The following SERINC3 variants were observed in gnomAD, a reference collection of about 807,000 sequenced individuals.
SERINC3 encodes the protein serine incorporator 3, also known as tumor differentially expressed protein 1.
SERINC3 carries 22 observed loss-of-function variants against 52.1 expected under a neutral mutation model. That is an observed-to-expected ratio of 0.42 (90% confidence interval 0.30 to 0.60). The LOEUF is 0.60. Ranked by LOEUF, SERINC3 falls within the 20% of genes least tolerant of loss-of-function variation. SERINC3 has a pLI of 0.16. For missense variants in SERINC3, 564 were observed against 584.6 expected, an observed-to-expected ratio of 0.96 and a Z score of 0.36; for synonymous variants, 226 against 212.7, an observed-to-expected ratio of 1.06 and a Z score of -0.54.
intron 1 of SERINC3, among the ~76,000 whole-genome samples, chr20:44,517,588 A>C (rs1721302096): frequency 6.6e-6 from 1 of 152,006 alleles, no homozygotes; most frequent in African/African-American, 2.4e-5. Flanking sequence ...GCAAACCAAA[A>C]AAAAAAAAAG....
At chr20:44,519,154 C>T (rs557794478) in intron 1 of SERINC3, among the ~76,000 whole-genome samples, 1 of 152,290 alleles carries the variant, frequency 6.6e-6, no homozygotes, top group Admixed American at 6.5e-5. Flanking sequence ...GCCTACACTG[C>T]TTTACCTTTA....
At position 44,500,246 on chromosome 20, in the gene SERINC3, G is replaced by A. The variant is rs374707242; in HGVS notation, c.*50C>T. On this transcript the variant is annotated 3_prime_UTR_variant, in exon 10 of 10. Coordinates refer to ENST00000342374, the MANE Select transcript of SERINC3 (RefSeq NM_006811.4). ...AAACTTAAAAGGTATATGGGTTTTC[G>A]GTGAAGGAGACCTTTGTGAGTTCCA... 3.6e-5 allele frequency: 56 copies of A among 1,573,052 alleles called. No homozygotes were observed. The highest frequency in any genetic ancestry group is 9.1e-5 in the East Asian group (4 of 44,106).
At chr20:44,496,689 G>T (rs2064251175), downstream of SERINC3, among the ~76,000 whole-genome samples, 1 of 152,150 alleles carries the variant, frequency 6.6e-6, no homozygotes. Flanking sequence ...AGCTACTCAG[G>T]AGACTGAGGC....
intron 4 of SERINC3, 91 bp from the exon 5 acceptor site, chr20:44,510,119 A>G: frequency 8.0e-7 from 1 of 1,257,678 alleles, no homozygotes; most frequent in South Asian, 1.3e-5. Flanking sequence ...TTAAAACAAG[A>G]CAGAGGTGGT....
intron 5 of SERINC3, among the ~76,000 whole-genome samples, chr20:44,508,445 C>T (rs1398462988): frequency 6.6e-6 from 1 of 151,644 alleles, no homozygotes; most frequent in African/African-American, 2.4e-5. Flanking sequence ...TGCAGTGAGC[C>T]ATGATTGTGC....
intron 5 of SERINC3, among the ~76,000 whole-genome samples, chr20:44,509,444 T>C (rs2064333734): frequency 6.6e-6 from 1 of 152,248 alleles, no homozygotes; most frequent in Admixed American, 6.5e-5. Context: ...TCGAACAATT[T>C]ATATTATCTG....
intron 7 of SERINC3, 58 bp downstream of exon 7, chr20:44,504,743 A>G: frequency 1.4e-6 from 2 of 1,406,834 alleles, no homozygotes; most frequent in Admixed American, 1.8e-5. Context: ...CCAACTATGT[A>G]AAGGCTGATT....
In SERINC3 at chr20:44,512,900, T is replaced by A; in HGVS notation, c.296A>T (p.Tyr99Phe). ...GATGGCCATGGCAAAGCTGATCCGATACACAGCTTTATAACCAACCAGCAC... is the reference window on the plus strand; with the variant it reads ...GATGGCCATGGCAAAGCTGATCCGAAACACAGCTTTATAACCAACCAGCAC... The part of the protein sequence containing the change: ...CDVLVGYKAV[Y>F]RISFAMAIFF... Residue 99 changes from tyrosine to phenylalanine, a missense_variant, in exon 3 of 10, where the codon TAT becomes TTT. Coordinates refer to ENST00000342374, the MANE Select transcript of SERINC3 (RefSeq NM_006811.4). The A allele has an allele frequency of 1.3e-6, 2 of 1,575,714 alleles. No homozygotes were observed. Among genetic ancestry groups the A allele is most frequent in the South Asian group, 1.2e-5 (1 of 83,284 alleles).
chr20:44,500,347 G>A lies in SERINC3; in HGVS notation c.1371C>T (p.Tyr457=), dbSNP rs142201129. Residue 457 remains tyrosine (Y), a synonymous_variant, in exon 10 of 10, where the codon TAC becomes TAT. Coordinates refer to ENST00000342374, the MANE Select transcript of SERINC3 (RefSeq NM_006811.4). ...CAAGTGGAGCCACAAGGGTCCAGAC[G>A]TAAAGCAGGAGGCAGACCCAGCTGG... ...ISSSWVCLLL[Y]VWTLVAPLVL... 231 of 1,609,672 alleles carry A rather than the reference G, an allele frequency of 1.4e-4. No individual in the cohort carries two copies. In the African/African-American group the frequency reaches 2.3e-3, roughly 16 times the overall value.
downstream of SERINC3, chr20:44,497,418 C>T (rs1303867914): frequency 1.3e-5 from 2 of 152,166 alleles, no homozygotes; most frequent in African/African-American, 4.8e-5. Flanking sequence ...GCATTTGTTA[C>T]TTCAAATTAA....
intron 1 of SERINC3, among the ~76,000 whole-genome samples, chr20:44,516,053 C>T (rs2064378602): frequency 6.6e-6 from 1 of 152,044 alleles, no homozygotes; most frequent in Admixed American, 6.5e-5. Context: ...CCTGTAATCC[C>T]AGCACTTTGG....
At chr20:44,503,165 G>A (rs1276553161) in intron 8 of SERINC3, among the ~76,000 whole-genome samples, 1 of 152,164 alleles carries the variant, frequency 6.6e-6, no homozygotes, top group Non-Finnish European at 1.5e-5. Flanking sequence ...TAATATTGCT[G>A]AGATGACAAT....
At position 44,509,921 on chromosome 20, in the gene SERINC3, C is replaced by T. The variant is rs1426551803; in HGVS notation, c.583G>A (p.Glu195Lys). Residue 195 changes from glutamate to lysine, a missense_variant, in exon 5 of 10, where the codon GAA (glutamate) becomes AAA (lysine). Physicochemically the swap from Glu to Lys is moderately conservative, Grantham distance 56 (BLOSUM62 1). Transcript: ENST00000342374. The stretch of plus-strand genomic sequence containing the variant: ...TACCACAACCTTGGGTTTCCTTCTT[C>T]CATTCGATTTACCCATGATTCATTC... ...SWNESWVNRM[E>K]EGNPRLWYAA... The T allele has an allele frequency of 6.2e-7, 1 of 1,614,136 alleles. No individual in the cohort carries two copies. The highest frequency in any genetic ancestry group is 8.5e-7 in the Non-Finnish European group (1 of 1,179,998).
At chr20:44,504,948 A>C in intron 6 of SERINC3, 57 bp from the exon 7 acceptor site, 1 of 1,315,418 alleles carries the variant, frequency 7.6e-7, no homozygotes, top group Non-Finnish European at 1.1e-6. Flanking sequence ...GACTTTCCAA[A>C]ATGCAGTGCA....
At chr20:44,508,206 G>A (rs530331271) in intron 5 of SERINC3, among the ~76,000 whole-genome samples, 20 of 152,236 alleles carry the variant, frequency 1.3e-4, no homozygotes, top group African/African-American at 3.9e-4. Context: ...AATAACAGCC[G>A]GGTGTGGTGG....
At chr20:44,516,137 A>G (rs2064379263) in intron 1 of SERINC3, among the ~76,000 whole-genome samples, 4 of 151,980 alleles carry the variant, frequency 2.6e-5, no homozygotes, top group Non-Finnish European at 1.5e-5. Context: ...CCCCATCTCT[A>G]CTAAAAATAC....
At position 44,498,474 on chromosome 20, in the gene SERINC3, G is replaced by A. The variant is rs942556519; in HGVS notation, c.*1822C>T. ...GCCTGTAGTCCCAGCTACTAGGGAG[G>A]CTGAGGCGGGAGAATGGCGTGAACC... is the stretch of plus-strand genomic sequence containing the variant. On this transcript the variant is annotated 3_prime_UTR_variant, in exon 10 of 10. Transcript: ENST00000342374. The A allele has an allele frequency of 6.6e-6, 1 of 152,208 alleles. No individual in the cohort carries two copies. The highest frequency in any genetic ancestry group is 1.5e-5 in the Non-Finnish European group (1 of 68,112). 9.4% of individuals were successfully genotyped at this position (152,208 alleles called of 1,614,324 possible).
intron 5 of SERINC3, among the ~76,000 whole-genome samples, chr20:44,509,605 T>A (rs962192387): frequency 1.3e-5 from 2 of 152,180 alleles, no homozygotes; most frequent in Non-Finnish European, 2.9e-5. Context: ...GATAGCTTAC[T>A]GCAGCCTTGA....
Position 44,511,342 on chromosome 20 carries a change from AG to A in SERINC3, c.421del (p.Ile142LeufsTer24). Reference protein sequence around the residue: ...NGFWFFKIAALIGIMVGSFYI... With the variant: ...NGFWFFKIAAXIGIMVGSFYI... ...GAAAGAGCCAACCATGATTCCAATA[AG>A]GGCAGCAATTTTGAAGAACCAAAAC... On this transcript the variant is annotated frameshift_variant, in exon 4 of 10. Coordinates refer to ENST00000342374, the MANE Select transcript of SERINC3 (RefSeq NM_006811.4). LOFTEE classifies it high-confidence loss of function. The A allele has an allele frequency of 6.2e-7, 1 of 1,613,310 alleles. No homozygotes were observed. The highest frequency in any genetic ancestry group is 8.5e-7 in the Non-Finnish European group (1 of 1,179,220).
Sources: gnomAD v4.1 joint callset for allele counts (sites outside exome capture counted in the v4.1 genomes callset) on GRCh38, gnomAD v4.1.1 for gene constraint, MANE v1.5 for transcripts, NCBI Gene and HGNC (gene_info 2026-07-23, HGNC 2026-07-21) for gene names.